Variants in SH2D7 observed in about 807,000 individuals in gnomAD.
SH2D7 encodes the protein SH2 domain-containing protein 7.
In SH2D7, 32 loss-of-function variants were observed where a neutral mutation model predicts 40.8. That is an observed-to-expected ratio of 0.78 (90% CI 0.59 to 1.05). The LOEUF (loss-of-function observed/expected upper bound fraction) is 1.05, where lower values mean the gene tolerates loss of function less well. SH2D7 is among the 50% of genes least tolerant of loss of function. The pLI is 0.00. For missense variants in SH2D7, 559 were observed against 566.6 expected, an observed-to-expected ratio of 0.99 and a Z score of 0.14; for synonymous variants, 195 against 221.5, an observed-to-expected ratio of 0.88 and a Z score of 1.06.
intron 3 of SH2D7, 21 bp downstream of exon 3, chr15:78,098,115 G>A: frequency 3.8e-6 from 6 of 1,588,536 alleles, no homozygotes; most frequent in Non-Finnish European, 5.1e-6. Flanking sequence ...CACTTCCCCA[G>A]GGTGAGGGTG....
Position 78,100,950 on chromosome 15 carries a change from G to T in SH2D7, c.697G>T (p.Glu233Ter), listed in dbSNP as rs748337646. 2 of 1,613,946 alleles carry T rather than the reference G, an allele frequency of 1.2e-6. No individual in the cohort carries two copies. The highest frequency in any genetic ancestry group is 1.7e-6 in the Non-Finnish European group (2 of 1,179,890). ...TGAGAAGAGTTCCTCCCTCCTGGAA[G>T]AGTCTTTTGGAGGCCCCAGTGACAT... is the stretch of plus-strand genomic sequence containing the variant. ...LPEKSSSLLEESFGGPSDIIY... is the reference protein window; with the variant it reads ...LPEKSSSLLE The change falls in exon 5 of 6, where the codon GAG becomes TAG. Residue 233 changes from glutamate (E) to a stop codon, truncating the protein, a stop_gained. Coordinates refer to ENST00000328828, the MANE Select transcript of SH2D7 (RefSeq NM_001101404.2). LOFTEE classifies it high-confidence loss of function.
At chr15:78,099,019 CTT>C (rs573619880) in intron 4 of SH2D7, among the ~76,000 whole-genome samples, 3 of 146,898 alleles carry the variant, frequency 2.0e-5, no homozygotes, top group Non-Finnish European at 3.0e-5. Flanking sequence ...TTTTTCTTTT[CTT>C]TTTTTTTTTT....
chr15:78,102,649 AG>A (rs2074025162), intron 5 of SH2D7, among the ~76,000 whole-genome samples: 1 of 152,084 alleles, frequency 6.6e-6, no homozygotes, highest in African/African-American at 2.4e-5. Context: ...GCAGCAGACC[AG>A]GGGTCCTTTC....
chr15:78,095,832 AATTT>A (rs896091106), intron 2 of SH2D7, among the ~76,000 whole-genome samples: 2 of 151,898 alleles, frequency 1.3e-5, no homozygotes, highest in African/African-American at 2.4e-5. Flanking sequence ...AATTTTTTAA[AATTT>A]ATTTATTTAT....
intron 2 of SH2D7, among the ~76,000 whole-genome samples, chr15:78,095,490 A>C (rs1291353345): frequency 6.6e-6 from 1 of 152,372 alleles, no homozygotes; most frequent in South Asian, 2.1e-4. Context: ...AAATAGTCCC[A>C]AATGTTTGGT....
chr15:78,090,987 C>T (rs530355927), upstream of SH2D7, among the ~76,000 whole-genome samples: 23 of 152,294 alleles, frequency 1.5e-4, no homozygotes, highest in South Asian at 2.1e-3. Flanking sequence ...AGCAGCTTTT[C>T]GCTCCCCACC....
At position 78,092,666 on chromosome 15, in the gene SH2D7, G is replaced by C. The variant is rs2073946979; in HGVS notation, c.82G>C (p.Glu28Gln). The change falls in exon 1 of 6, where the codon GAG becomes CAG. Residue 28 changes from glutamate to glutamine, a missense_variant. Physicochemically the swap from Glu to Gln is conservative, Grantham distance 29 (BLOSUM62 2). Transcript: ENST00000328828. The stretch of plus-strand genomic sequence containing the variant: ...CAGCCAGGCCCTGGCTGAGCTCCAG[G>C]AGCTTGCCCTGAAGTGGTTCATGGA... Reference protein sequence around the residue: ...GDSQALAELQELALKWFMETQ... With the variant: ...GDSQALAELQQLALKWFMETQ... 1 of 1,580,126 alleles carries C rather than the reference G, an allele frequency of 6.3e-7. No homozygotes were observed. Among genetic ancestry groups the C allele is most frequent in the African/African-American group, 1.3e-5 (1 of 74,128 alleles).
chr15:78,100,922 C>G lies in SH2D7; in HGVS notation c.669C>G (p.Leu223=). ...SMEAPIRVSP[L]PEKSSSLLEE... ...AGGCTCCCATCAGAGTGTCTCCACT[C>G]CCTGAGAAGAGTTCCTCCCTCCTGG... The change falls in exon 5 of 6, where the codon CTC becomes CTG. Residue 223 remains leucine, a synonymous_variant. Transcript: ENST00000328828. 1 of 1,613,740 alleles carries G rather than the reference C, an allele frequency of 6.2e-7. No homozygotes were observed.
At chr15:78,099,480 A>ATT (rs34331155) in intron 4 of SH2D7, among the ~76,000 whole-genome samples, 6,374 of 133,034 alleles carry the variant, frequency 0.048, 525 homozygotes, top group African/African-American at 0.17. Context: ...TGCCTGGCTA[A>ATT]TTTTTTTTTT....
intron 1 of SH2D7, 76 bp from the exon 2 acceptor site, chr15:78,094,036 C>G (rs2073955232): frequency 7.0e-7 from 1 of 1,434,680 alleles, no homozygotes; most frequent in South Asian, 1.3e-5. Context: ...GCAGGGATTC[C>G]AAGAGAGGCC....
intron 2 of SH2D7, among the ~76,000 whole-genome samples, chr15:78,094,451 C>T (rs1337361454): frequency 6.6e-6 from 1 of 152,058 alleles, no homozygotes; most frequent in African/African-American, 2.4e-5. Context: ...GAACTTTGAG[C>T]CTAGGATAGA....
chr15:78,098,539 T>A lies in SH2D7; in HGVS notation c.588T>A (p.His196Gln). 6.2e-7 allele frequency: 1 copy of A among 1,613,956 alleles called. No individual in the cohort carries two copies. Among genetic ancestry groups the A allele is most frequent in the Non-Finnish European group, 8.5e-7 (1 of 1,179,886 alleles). Residue 196 changes from histidine to glutamine, a missense_variant, in exon 4 of 6, where the codon CAT becomes CAA. Transcript: ENST00000328828. ...CAAAGCCCCAGGTCTCCTTCCTCCA[T>A]GCACAGAAAAGCCTGGATGTGAGTC... Reference protein sequence around the residue: ...SSPKPQVSFLHAQKSLDVSPR... With the variant: ...SSPKPQVSFLQAQKSLDVSPR...
Position 78,097,994 on chromosome 15 carries a change from G to A in SH2D7, c.332G>A (p.Gly111Glu). ...CGAAACCGGCGTTACATCATCTCAG[G>A]AGACACCCAGAGCCACAGCACCCTG... ...QLRNRRYIIS[G>E]DTQSHSTLAE... The change falls in exon 3 of 6, where the codon GGA becomes GAA. Residue 111 changes from glycine (G) to glutamate (E), a missense_variant. Physicochemically the swap from Gly to Glu is moderately conservative, Grantham distance 98. Coordinates refer to ENST00000328828, the MANE Select transcript of SH2D7 (RefSeq NM_001101404.2). 6.2e-7 allele frequency: 1 copy of A among 1,613,928 alleles called. No individual in the cohort carries two copies. Among genetic ancestry groups the A allele is most frequent in the Non-Finnish European group, 8.5e-7 (1 of 1,179,842 alleles).
rs1313973361 is a variant in SH2D7, at chr15:78,098,581, G to A, written c.630G>A (p.Gln210=). Residue 210 remains glutamine, a synonymous_variant, in exon 4 of 6, where the codon CAG becomes CAA. Transcript: ENST00000328828. ...ATGTGAGTCCCCGGAACCTCTCCCA[G>A]GAGGAAAGCATGGAGGTGAGGAGCA... ...SLDVSPRNLS[Q]EESMEAPIRV... is the part of the protein sequence containing the mutation. 1.1e-5 allele frequency: 17 copies of A among 1,613,654 alleles called. No homozygotes were observed. Among genetic ancestry groups the A allele is most frequent in the African/African-American group, 2.7e-5 (2 of 74,942 alleles).
At chr15:78,093,319 G>T (rs967768318) in intron 1 of SH2D7, among the ~76,000 whole-genome samples, 1 of 152,220 alleles carries the variant, frequency 6.6e-6, no homozygotes, top group African/African-American at 2.4e-5. Flanking sequence ...ACTGACTCGT[G>T]CAGCAGCACA....
At chr15:78,097,897 G>C (rs1278160386) in intron 2 of SH2D7, 32 bp from the exon 3 acceptor site, 2 of 1,606,176 alleles carry the variant, frequency 1.2e-6, no homozygotes, top group Admixed American at 1.7e-5. Context: ...CCTGTGACCA[G>C]CAGCCCCAGA....
upstream of SH2D7, among the ~76,000 whole-genome samples, chr15:78,092,137 G>T (rs892027074): frequency 3.9e-5 from 6 of 152,244 alleles, no homozygotes; most frequent in African/African-American, 1.4e-4. Flanking sequence ...GGAAGACTTG[G>T]TTAGCACAGA....
At chr15:78,099,853 C>T (rs751096556) in intron 4 of SH2D7, among the ~76,000 whole-genome samples, 14 of 152,076 alleles carry the variant, frequency 9.2e-5, no homozygotes, top group African/African-American at 1.4e-4. Context: ...TCTGCACTGG[C>T]TCTACCATCT....
intron 4 of SH2D7, among the ~76,000 whole-genome samples, chr15:78,100,527 GTC>G (rs1419048138): frequency 6.6e-6 from 1 of 152,114 alleles, no homozygotes; most frequent in Non-Finnish European, 1.5e-5. Context: ...GGGAAAACCT[GTC>G]TCTACAAAAA....
Sources: allele counts gnomAD v4.1 joint callset (sites outside exome capture counted in the v4.1 genomes callset), GRCh38; gene constraint gnomAD v4.1.1; transcripts MANE v1.5; gene names NCBI Gene and HGNC (gene_info 2026-07-23, HGNC 2026-07-21).